DPYD: variants seen among roughly 807,000 people sequenced by gnomAD.
The protein encoded by DPYD is dihydropyrimidine dehydrogenase [NADP(+)].
Under a neutral mutation model 116.2 loss-of-function variants are expected in DPYD, and 109 were observed. The observed-to-expected ratio is 0.94, with a 90% confidence interval of 0.80 to 1.10. The LOEUF (loss-of-function observed/expected upper bound fraction) is 1.10, where lower values mean the gene tolerates loss of function less well. Among genes scored for constraint, DPYD ranks in the 50% least tolerant of loss-of-function variants. The pLI is 0.00. For synonymous variants in DPYD, 440 were observed against 432.0 expected, an observed-to-expected ratio of 1.02 and a Z score of -0.23; for missense variants, 1,302 against 1,254.5, an observed-to-expected ratio of 1.04 and a Z score of -0.57.
chr1:97,145,337 A>C (rs774434857), intron 20 of DPYD, among the ~76,000 whole-genome samples: 16 of 152,148 alleles, frequency 1.1e-4, no homozygotes, highest in Non-Finnish European at 2.1e-4. Flanking sequence ...GATGCAGGGG[A>C]GACACTCACT....
chr1:97,115,679 T>C (rs1651914064), intron 20 of DPYD, among the ~76,000 whole-genome samples: 1 of 152,196 alleles, frequency 6.6e-6, no homozygotes, highest in Non-Finnish European at 1.5e-5. Context: ...TATAAAAACC[T>C]ATGCAGGAAG....
At chr1:97,714,528 G>A (rs901897687) in intron 5 of DPYD, among the ~76,000 whole-genome samples, 3 of 151,552 alleles carry the variant, frequency 2.0e-5, no homozygotes, top group East Asian at 3.9e-4. Flanking sequence ...CCCTTCTAAG[G>A]CCTTGTATTT....
intron 2 of DPYD, among the ~76,000 whole-genome samples, chr1:97,872,319 T>C (rs573336309): frequency 1.3e-5 from 2 of 151,954 alleles, no homozygotes; most frequent in Non-Finnish European, 1.5e-5. Flanking sequence ...AACCATAAAG[T>C]TGTTTAAAAA....
intron 2 of DPYD, among the ~76,000 whole-genome samples, chr1:97,874,437 T>C (rs911056004): frequency 6.6e-6 from 1 of 151,910 alleles, no homozygotes; most frequent in African/African-American, 2.4e-5. Flanking sequence ...CTTGCAGAAC[T>C]AGGTGCATAC....
At chr1:97,744,169 A>G (rs960259762) in intron 3 of DPYD, among the ~76,000 whole-genome samples, 1 of 152,082 alleles carries the variant, frequency 6.6e-6, no homozygotes, top group African/African-American at 2.4e-5. Context: ...AAACTATTAA[A>G]GATATATTTA....
chr1:97,252,930 T>G (rs1283257852), intron 18 of DPYD, among the ~76,000 whole-genome samples: 2 of 152,134 alleles, frequency 1.3e-5, no homozygotes, highest in African/African-American at 4.8e-5. Context: ...ATCATAAGAC[T>G]CCCAGAATTC....
At chr1:97,267,979 G>C (rs187354211) in intron 18 of DPYD, among the ~76,000 whole-genome samples, 2 of 152,032 alleles carry the variant, frequency 1.3e-5, no homozygotes, top group Non-Finnish European at 2.9e-5. Flanking sequence ...CTGGGAAATC[G>C]AACAAGTTAT....
rs181116723 is a variant in DPYD at position 97,157,931 on chromosome 1, A to C, written c.2622+35138T>G. ...AGAATAAGATTCTTTACAATGAGCA[A>C]TGCTGAATAGGTACTTCTATAATAA... On this transcript the variant is annotated intron_variant, in intron 20 of 22. Transcript: ENST00000370192. Among the ~76,000 whole-genome samples the C allele has an allele frequency of 8.5e-5, 13 of 152,272 alleles. No individual in the cohort carries two copies. The East Asian group carries it at 2.5e-3, about 29-fold the overall frequency.
In DPYD at chr1:97,304,748, G is replaced by A. The variant is rs542323077; in HGVS notation, c.2299+511C>T. Reference sequence around the variant, plus strand: ...CTCTCTTTCTTTTTCAAATTCAAGCGTATGCTGATGAGAAAGAGCGTGCAA... The same window carrying A: ...CTCTCTTTCTTTTTCAAATTCAAGCATATGCTGATGAGAAAGAGCGTGCAA... On this transcript the variant is annotated intron_variant, in intron 18 of 22. Transcript: ENST00000370192. Among the ~76,000 whole-genome samples the A allele has an allele frequency of 1.1e-4, 17 of 152,038 alleles. 1 individual carries two copies. In the East Asian group the frequency reaches 2.7e-3, roughly 24 times the overall value.
At chr1:97,442,949 A>G (rs1167915620) in intron 14 of DPYD, among the ~76,000 whole-genome samples, 1 of 152,200 alleles carries the variant, frequency 6.6e-6, no homozygotes. Flanking sequence ...ATGCAATCTA[A>G]TTTATGGTAG....
At chr1:97,389,649 T>C (rs1207569949) in intron 14 of DPYD, among the ~76,000 whole-genome samples, 1 of 152,174 alleles carries the variant, frequency 6.6e-6, no homozygotes, top group Admixed American at 6.5e-5. Context: ...TACTTTTAAA[T>C]TGGAGTATTT....
At chr1:97,774,149 C>T (rs1666280423) in intron 3 of DPYD, among the ~76,000 whole-genome samples, 2 of 152,178 alleles carry the variant, frequency 1.3e-5, no homozygotes, top group South Asian at 2.1e-4. Flanking sequence ...GCAAGCCACA[C>T]CACCGTTGCA....
At chr1:97,817,586 A>T (rs545993105) in intron 3 of DPYD, among the ~76,000 whole-genome samples, 85 of 152,218 alleles carry the variant, frequency 5.6e-4, no homozygotes, top group African/African-American at 2.0e-3. Context: ...GTAATAAAAA[A>T]TGCCAACGTG....
chr1:97,251,473 G>T (rs1425300664), intron 18 of DPYD, among the ~76,000 whole-genome samples: 3 of 151,056 alleles, frequency 2.0e-5, no homozygotes, highest in Non-Finnish European at 4.4e-5. Flanking sequence ...GAATGGGACT[G>T]AAGATCATCA....
chr1:97,898,578 T>G (rs890353881), intron 1 of DPYD, among the ~76,000 whole-genome samples: 2 of 151,998 alleles, frequency 1.3e-5, no homozygotes. Context: ...TTGTTTCTTT[T>G]TTATTGTTTC....
chr1:97,511,005 G>A (rs939756549), intron 13 of DPYD, among the ~76,000 whole-genome samples: 9 of 151,824 alleles, frequency 5.9e-5, no homozygotes, highest in Non-Finnish European at 1.0e-4. Context: ...CCCCACATGA[G>A]GCTCCAGACA....
At chr1:97,549,264 C>T (rs1402996475) in intron 12 of DPYD, among the ~76,000 whole-genome samples, 2 of 151,990 alleles carry the variant, frequency 1.3e-5, no homozygotes, top group Non-Finnish European at 2.9e-5. Context: ...TGGGATATTC[C>T]TATGTTGCCC....
rs535263000 is a variant in DPYD, at chr1:97,401,288, A to G, written c.1906-18827T>C. The stretch of plus-strand genomic sequence containing the variant: ...CTTGTCTTCTCATTCTCTTGACATT[A>G]TCTTTCACTGAGCGGAAGTTTTTTT... On this transcript the variant is annotated intron_variant, in intron 14 of 22. Coordinates refer to ENST00000370192, the MANE Select transcript of DPYD (RefSeq NM_000110.4). 7.9e-5 allele frequency among the ~76,000 whole-genome samples: 12 copies of G among 152,006 alleles called. No individual in the cohort carries two copies. The East Asian group carries it at 1.6e-3, about 20-fold the overall frequency.
chr1:97,509,717 A>G (rs1319501392), intron 13 of DPYD, among the ~76,000 whole-genome samples: 1 of 151,954 alleles, frequency 6.6e-6, no homozygotes, highest in East Asian at 1.9e-4. Flanking sequence ...TTCTCAAAAT[A>G]AAGTACCTTA....
Sources: allele counts gnomAD v4.1 joint callset (sites outside exome capture counted in the v4.1 genomes callset), GRCh38; gene constraint gnomAD v4.1.1; transcripts MANE v1.5; gene names NCBI Gene and HGNC (gene_info 2026-07-23, HGNC 2026-07-21).